MYT1L: variants seen among roughly 807,000 people sequenced by gnomAD.
MYT1L encodes the protein myelin transcription factor 1 like, also known as myelin transcription factor 1-like protein.
Under a neutral mutation model 126.7 loss-of-function variants are expected in MYT1L, and 12 were observed. That is an observed-to-expected ratio of 0.09 (90% CI 0.06 to 0.15). The LOEUF is 0.15. MYT1L is among the 10% of genes least tolerant of loss of function. The probability of loss-of-function intolerance (pLI) is 1.00; values close to 1 mark genes in which losing one functional copy is unlikely to be tolerated. For synonymous variants in MYT1L, 541 were observed against 604.2 expected (o/e 0.90, Z 1.53); for missense variants, 979 against 1,585.2 (o/e 0.62, Z 6.49).
chr2:2,192,274 C>T (rs1345334241), intron 2 of MYT1L, among the ~76,000 whole-genome samples: 1 of 152,194 alleles, frequency 6.6e-6, no homozygotes, highest in Non-Finnish European at 1.5e-5. Context: ...TCTAGAATTC[C>T]ACTCCTCCCT....
chr2:2,048,720 A>G (rs2068472883), intron 4 of MYT1L, among the ~76,000 whole-genome samples: 1 of 152,204 alleles, frequency 6.6e-6, no homozygotes, highest in South Asian at 2.1e-4. Context: ...TAAGCGGTCC[A>G]TGGTCCTGAA....
At chr2:1,994,179 A>C (rs2149587571) in intron 5 of MYT1L, among the ~76,000 whole-genome samples, 1 of 152,240 alleles carries the variant, frequency 6.6e-6, no homozygotes, top group African/African-American at 2.4e-5. Flanking sequence ...TGACTTTCTC[A>C]CTAAGCCTTG....
chr2:2,085,907 T>C (rs2076308318), intron 3 of MYT1L, among the ~76,000 whole-genome samples: 1 of 152,210 alleles, frequency 6.6e-6, no homozygotes, highest in South Asian at 2.1e-4. Context: ...AGAATGCGTT[T>C]GGGTGTTCCC....
Position 1,912,112 on chromosome 2 carries a change from T to C in MYT1L, c.1619-2A>G. On this transcript the variant is annotated splice_acceptor_variant, in intron 11 of 24. Transcript: ENST00000647738. LOFTEE classifies it high-confidence loss of function. This position sits in a 1 kb window ranked among gnomAD's most constrained non-coding sequence, Gnocchi z 4.3. Reference sequence around the variant, plus strand: ...GGACACTTTCATGCATGGCAAGGACTTGACAGGGAGAGGCAAAGAGAACAG... The same window carrying C: ...GGACACTTTCATGCATGGCAAGGACCTGACAGGGAGAGGCAAAGAGAACAG... 6.4e-7 allele frequency: 1 copy of C among 1,569,730 alleles called. No homozygotes were observed. The highest frequency in any genetic ancestry group is 8.7e-7 in the Non-Finnish European group (1 of 1,148,926).
Position 2,262,932 on chromosome 2 carries a change from A to ATATATATATATATATATATATATATAT in MYT1L, c.-421+21471_-421+21472insATATATATATATATATATATATATATA, listed in dbSNP as rs1553610292. ...GAGGCACAAATATATATATATATAT[A>ATATATATATATATATATATATATATAT]ACCTGTGATATATATATATATATCA... On this transcript the variant is annotated intron_variant, in intron 2 of 24. Coordinates refer to ENST00000647738, the MANE Select transcript of MYT1L (RefSeq NM_001303052.2). Among the ~76,000 whole-genome samples the ATATATATATATATATATATATATATAT allele has an allele frequency of 7.3e-5, 3 of 41,224 alleles. No individual in the cohort carries two copies. In the East Asian group the frequency reaches 6.1e-3, roughly 84 times the overall value. The allele number at this position is 41,224 out of a possible 152,430, so 27.0% of individuals were successfully genotyped here. A position where few individuals can be genotyped will look rare whatever the true frequency, so the allele number is the denominator to read the frequency against.
intron 21 of MYT1L, among the ~76,000 whole-genome samples, chr2:1,832,532 G>A (rs1273340701): frequency 6.6e-6 from 1 of 152,210 alleles, no homozygotes; most frequent in Admixed American, 6.5e-5. Flanking sequence ...TGCTCATTCT[G>A]TTTCCTAAAC....
chr2:2,101,671 TCCA>T (rs1217585444), intron 3 of MYT1L, among the ~76,000 whole-genome samples: 2 of 151,876 alleles, frequency 1.3e-5, no homozygotes, highest in South Asian at 2.1e-4. Flanking sequence ...CATCCACTCA[TCCA>T]CCAATTCATC....
At chr2:2,268,218 C>A (rs537381646) in intron 2 of MYT1L, among the ~76,000 whole-genome samples, 7 of 152,242 alleles carry the variant, frequency 4.6e-5, no homozygotes, top group African/African-American at 1.7e-4. Flanking sequence ...TCATTGTTAA[C>A]TAGGCATGAG....
chr2:2,281,442 G>A (rs2095445301), intron 2 of MYT1L, among the ~76,000 whole-genome samples: 1 of 152,150 alleles, frequency 6.6e-6, no homozygotes, highest in South Asian at 2.1e-4. Context: ...TAATTGTTGT[G>A]TAATATGTAC....
At chr2:2,215,942 TG>T (rs1026001458) in intron 2 of MYT1L, among the ~76,000 whole-genome samples, 1 of 152,164 alleles carries the variant, frequency 6.6e-6, no homozygotes, top group Non-Finnish European at 1.5e-5. Context: ...ACTGTCTTCA[TG>T]TTAGTGAATT....
At chr2:1,813,043 G>A (rs973769391) in intron 21 of MYT1L, among the ~76,000 whole-genome samples, 2 of 152,152 alleles carry the variant, frequency 1.3e-5, no homozygotes, top group Admixed American at 6.5e-5. Context: ...GGCTCAGTAT[G>A]ATCCTCACAA....
At chr2:2,073,668 G>A (rs1044304399) in intron 3 of MYT1L, among the ~76,000 whole-genome samples, 3 of 152,168 alleles carry the variant, frequency 2.0e-5, no homozygotes, top group Admixed American at 6.5e-5. Context: ...TGCGTATCTT[G>A]GACGTTGTAT....
intron 18 of MYT1L, among the ~76,000 whole-genome samples, chr2:1,869,913 A>C (rs1197016195): frequency 2.0e-5 from 3 of 152,204 alleles, no homozygotes; most frequent in Admixed American, 1.3e-4. Flanking sequence ...ACCAGGAAAC[A>C]AGCTAGTCAC....
chr2:1,998,476 T>C (rs2062063119), intron 4 of MYT1L, among the ~76,000 whole-genome samples: 3 of 152,182 alleles, frequency 2.0e-5, no homozygotes, highest in Admixed American at 2.0e-4. Flanking sequence ...ACCCACCTTG[T>C]CCACTTCTGC....
At chr2:2,067,935 T>C (rs1393614221) in intron 3 of MYT1L, among the ~76,000 whole-genome samples, 1 of 152,198 alleles carries the variant, frequency 6.6e-6, no homozygotes, top group East Asian at 1.9e-4. Context: ...CAATTATTTG[T>C]CAGAGAAATG....
intron 8 of MYT1L, among the ~76,000 whole-genome samples, chr2:1,953,725 A>C (rs1005155790): frequency 5.9e-5 from 9 of 152,188 alleles, no homozygotes; most frequent in Admixed American, 5.9e-4. Context: ...GACTGAGTGG[A>C]TTGACTGGTC....
chr2:1,796,388 T>A (rs1039197695), intron 23 of MYT1L, among the ~76,000 whole-genome samples: 5 of 152,170 alleles, frequency 3.3e-5, no homozygotes, highest in Admixed American at 3.3e-4. Context: ...GAGGACTGCC[T>A]CCTGCCCATG....
chr2:1,953,897 T>C (rs963927771), intron 8 of MYT1L, among the ~76,000 whole-genome samples: 6 of 152,196 alleles, frequency 3.9e-5, no homozygotes, highest in African/African-American at 1.2e-4. Context: ...GGCAGTGAGA[T>C]TGGCCAACTA....
Position 1,887,718 on chromosome 2 carries a change from G to T in MYT1L, c.2521-109C>A. The T allele has an allele frequency of 7.6e-7, 1 of 1,307,590 alleles. No homozygotes were observed. 81.0% of individuals were successfully genotyped at this position (1,307,590 alleles called of 1,614,324 possible). A position where few individuals can be genotyped will look rare whatever the true frequency, so the allele number is the denominator to read the frequency against. On this transcript the variant is annotated intron_variant, in intron 16 of 24. Coordinates refer to ENST00000647738, the MANE Select transcript of MYT1L (RefSeq NM_001303052.2). This position sits in a 1 kb window ranked among gnomAD's most constrained non-coding sequence, Gnocchi z 4.8. ...GCCTCTACATCTTACACCTCTTTCT[G>T]CTGTACCTTTAAGATCCTTTTGGTC... is the stretch of plus-strand genomic sequence containing the variant.
Sources: gnomAD v4.1 joint callset for allele counts (sites outside exome capture counted in the v4.1 genomes callset) on GRCh38, gnomAD v4.1.1 for gene constraint, Gnocchi (gnomAD v3.1) non-coding constraint, MANE v1.5 for transcripts, NCBI Gene and HGNC (gene_info 2026-07-23, HGNC 2026-07-21) for gene names.